The following SUGCT variants were observed in gnomAD, a reference collection of about 807,000 sequenced individuals.
SUGCT encodes the protein succinyl-CoA:glutarate-CoA transferase, also known as succinyl-CoA:glutarate CoA-transferase.
A neutral mutation model predicts 55.0 loss-of-function variants in SUGCT; 41 were observed. That is an observed-to-expected ratio of 0.74 (90% confidence interval 0.58 to 0.97). SUGCT has a LOEUF of 0.97. SUGCT is among the 50% of genes least tolerant of loss of function. The probability of loss-of-function intolerance (pLI) is 0.00; values close to 1 mark genes in which losing one functional copy is unlikely to be tolerated. For synonymous variants in SUGCT, 187 were observed against 200.4 expected (o/e 0.93, Z 0.56); for missense variants, 568 against 547.8 (o/e 1.04, Z -0.37).
the SUGCT span, among the ~76,000 whole-genome samples, chr7:40,985,727 T>C: frequency 6.6e-6 from 1 of 152,226 alleles, no homozygotes; most frequent in Non-Finnish European, 1.5e-5. Context: ...TGGATTATGT[T>C]AACAGGGAAC....
intron 12 of SUGCT, among the ~76,000 whole-genome samples, chr7:40,609,298 A>T (rs1798660661): frequency 6.6e-6 from 1 of 152,040 alleles, no homozygotes; most frequent in South Asian, 2.1e-4. Flanking sequence ...CTTCCTTACA[A>T]TAGAAATATG....
chr7:40,499,091 T>G, intron 12 of SUGCT: 1 of 456,726 alleles, frequency 2.2e-6, no homozygotes, highest in Non-Finnish European at 4.4e-6. Flanking sequence ...CCACTTCTGT[T>G]CAGATGTGGG....
At chr7:40,899,211 C>T in the SUGCT span, among the ~76,000 whole-genome samples, 1 of 152,186 alleles carries the variant, frequency 6.6e-6, no homozygotes, top group African/African-American at 2.4e-5. Flanking sequence ...AACAGACTGG[C>T]ATCTCTGGCC....
chr7:40,336,548 AG>A (rs1322620461), intron 9 of SUGCT, among the ~76,000 whole-genome samples: 1 of 152,158 alleles, frequency 6.6e-6, no homozygotes, highest in Non-Finnish European at 1.5e-5. Flanking sequence ...AGGTGTTTAT[AG>A]TATTCTCTGA....
At chr7:40,187,760 C>T (rs1785613996) in intron 3 of SUGCT, among the ~76,000 whole-genome samples, 1 of 152,212 alleles carries the variant, frequency 6.6e-6, no homozygotes, top group East Asian at 1.9e-4. Flanking sequence ...ATTGTGAAAC[C>T]CTGTCTCTAC....
intron 12 of SUGCT, among the ~76,000 whole-genome samples, chr7:40,554,902 G>T (rs974397144): frequency 1.3e-5 from 2 of 152,006 alleles, no homozygotes; most frequent in Non-Finnish European, 1.5e-5. Context: ...CTTAATGCCT[G>T]TCCCCATCAT....
chr7:40,393,510 A>G (rs1785553933), intron 9 of SUGCT, among the ~76,000 whole-genome samples: 2 of 152,034 alleles, frequency 1.3e-5, no homozygotes, highest in Non-Finnish European at 2.9e-5. Context: ...TTTTTCATGT[A>G]TTGTGGATGA....
the SUGCT span, among the ~76,000 whole-genome samples, chr7:40,994,303 C>A: frequency 6.6e-6 from 1 of 152,126 alleles, no homozygotes; most frequent in African/African-American, 2.4e-5. Flanking sequence ...CAGTTTCTTC[C>A]ATATCATTAA....
intron 12 of SUGCT, among the ~76,000 whole-genome samples, chr7:40,709,263 C>G (rs1785581388): frequency 6.6e-6 from 1 of 152,202 alleles, no homozygotes. Context: ...CAATAACTAG[C>G]CCCATCCATT....
intron 9 of SUGCT, among the ~76,000 whole-genome samples, chr7:40,380,897 G>A (rs1270525973): frequency 6.6e-6 from 1 of 152,048 alleles, no homozygotes; most frequent in Non-Finnish European, 1.5e-5. Flanking sequence ...AAATCATACA[G>A]GATTATTCAC....
At chr7:40,196,324 A>G (rs1232644635) in intron 6 of SUGCT, among the ~76,000 whole-genome samples, 1 of 152,226 alleles carries the variant, frequency 6.6e-6, no homozygotes, top group African/African-American at 2.4e-5. Flanking sequence ...TAATATTTTA[A>G]GTTTTTACTC....
intron 12 of SUGCT, among the ~76,000 whole-genome samples, chr7:40,569,252 C>T (rs1796309151): frequency 6.6e-6 from 1 of 152,170 alleles, no homozygotes; most frequent in South Asian, 2.1e-4. Flanking sequence ...TAGGGAAACA[C>T]TCAAGTCTCT....
chr7:40,609,382 C>T (rs937373842), intron 12 of SUGCT, among the ~76,000 whole-genome samples: 36 of 151,718 alleles, frequency 2.4e-4, no homozygotes, highest in African/African-American at 8.2e-4. Context: ...CTGGCTAACA[C>T]GGTGAAACCC....
the SUGCT span, among the ~76,000 whole-genome samples, chr7:40,898,482 G>GGGGGGC: frequency 1.9e-5 from 2 of 107,206 alleles, 1 homozygote; most frequent in East Asian, 7.4e-4. Flanking sequence ...CGGGAGGTCG[G>GGGGGGC]GGGGGGGGGG....
rs562372932 is a variant in SUGCT, at chr7:40,334,358, A to G, written c.816+17503A>G. Among the ~76,000 whole-genome samples, 10 of 152,258 alleles carry G rather than the reference A, an allele frequency of 6.6e-5. No individual in the cohort carries two copies. The East Asian group carries it at 7.7e-4, about 12-fold the overall frequency. On this transcript the variant is annotated intron_variant, in intron 9 of 13. Transcript: ENST00000335693. Reference sequence around the variant, plus strand: ...TCCACAATGGTTGAACTAGTTTACAATCCCACCAACAGTGTAAAAGTGTTC... The same window carrying G: ...TCCACAATGGTTGAACTAGTTTACAGTCCCACCAACAGTGTAAAAGTGTTC...
intron 6 of SUGCT, among the ~76,000 whole-genome samples, chr7:40,222,986 T>TTTCTTTCC (rs1554291633): frequency 1.1e-5 from 1 of 94,000 alleles, no homozygotes; most frequent in Admixed American, 1.1e-4. Context: ...TTTTCATTTC[T>TTTCTTTCC]TTCCTTCCTT....
intron 8 of SUGCT, among the ~76,000 whole-genome samples, chr7:40,314,197 T>A (rs924098004): frequency 1.3e-5 from 2 of 152,186 alleles, no homozygotes; most frequent in Non-Finnish European, 2.9e-5. Flanking sequence ...TCCCTATCCC[T>A]GGCAACTATC....
chr7:40,656,837 C>T (rs1045572995), intron 12 of SUGCT, among the ~76,000 whole-genome samples: 2 of 152,212 alleles, frequency 1.3e-5, no homozygotes, highest in African/African-American at 4.8e-5. Flanking sequence ...AGCCCCTCTT[C>T]CAGGCAAGAC....
At chr7:40,906,769 C>T in the SUGCT span, among the ~76,000 whole-genome samples, 1 of 152,036 alleles carries the variant, frequency 6.6e-6, no homozygotes, top group Non-Finnish European at 1.5e-5. Flanking sequence ...GGATACCATG[C>T]CTATATAATA....
Sources: gnomAD v4.1 joint callset for allele counts (sites outside exome capture counted in the v4.1 genomes callset) on GRCh38, gnomAD v4.1.1 for gene constraint, MANE v1.5 for transcripts, NCBI Gene and HGNC (gene_info 2026-07-23, HGNC 2026-07-21) for gene names.